ZNF385D: variants seen among roughly 807,000 people sequenced by gnomAD.
ZNF385D encodes the protein zinc finger protein 385D, also known as zinc finger protein 659.
A neutral mutation model predicts 35.8 loss-of-function variants in ZNF385D; 15 were observed. The ratio of observed to expected loss-of-function variants is 0.42; its 90% CI spans 0.28 to 0.64. The LOEUF (loss-of-function observed/expected upper bound fraction) is 0.64, where lower values mean the gene tolerates loss of function less well. Among genes scored for constraint, ZNF385D ranks in the 30% least tolerant of loss-of-function variants. The pLI, the probability that ZNF385D is intolerant of heterozygous loss-of-function variation, is 0.23. For missense variants in ZNF385D, 474 were observed against 494.6 expected, an observed-to-expected ratio of 0.96 and a Z score of 0.39; for synonymous variants, 212 against 186.8, an observed-to-expected ratio of 1.13 and a Z score of -1.10.
chr3:21,888,709 G>A (rs1173431975), intron 3 of ZNF385D, among the ~76,000 whole-genome samples: 1 of 152,146 alleles, frequency 6.6e-6, no homozygotes, highest in Non-Finnish European at 1.5e-5. Flanking sequence ...ATATAAATGA[G>A]TAACAGGATG....
chr3:21,766,061 C>T (rs2070817978), intron 3 of ZNF385D, among the ~76,000 whole-genome samples: 1 of 151,700 alleles, frequency 6.6e-6, no homozygotes, highest in Non-Finnish European at 1.5e-5. Context: ...AAGATAGTGG[C>T]CGAAAGGAAA....
intron 1 of ZNF385D, among the ~76,000 whole-genome samples, chr3:21,750,648 C>T (rs1386744433): frequency 2.0e-5 from 3 of 151,668 alleles, no homozygotes; most frequent in Non-Finnish European, 4.4e-5. Flanking sequence ...AAGTTTACCC[C>T]CCCGCCCCCT....
intron 3 of ZNF385D, among the ~76,000 whole-genome samples, chr3:21,943,647 G>A (rs547727461): frequency 2.6e-5 from 4 of 152,070 alleles, no homozygotes; most frequent in Admixed American, 2.6e-4. Context: ...ATGAATAAAT[G>A]CATTTATATG....
rs115418524 is a variant in ZNF385D at position 22,141,006 on chromosome 3, A to G, written c.325+27811T>C. 5.5e-3 allele frequency among the ~76,000 whole-genome samples: 838 copies of G among 152,340 alleles called. 5 individuals carry two copies. The highest frequency in any genetic ancestry group is 0.018 in the African/African-American group (736 of 41,574). On this transcript the variant is annotated intron_variant, in intron 3 of 5. Transcript: ENST00000494108. ...GAACTTAAACACAAATTGTATATCAATATCACCAGGATTCATGTCCTGAGC... is the reference window on the plus strand; with the variant it reads ...GAACTTAAACACAAATTGTATATCAGTATCACCAGGATTCATGTCCTGAGC...
At chr3:21,504,016 G>C (rs1438687498) in intron 4 of ZNF385D, among the ~76,000 whole-genome samples, 1 of 152,148 alleles carries the variant, frequency 6.6e-6, no homozygotes, top group Non-Finnish European at 1.5e-5. Context: ...AGTCATGAGT[G>C]AAAAGTGCAA....
chr3:21,753,167 A>G (rs2070182261), upstream of ZNF385D, among the ~76,000 whole-genome samples: 1 of 152,210 alleles, frequency 6.6e-6, no homozygotes, highest in African/African-American at 2.4e-5. Context: ...AGATATAGAA[A>G]GGTGGATATT....
rs200382540 is a variant in ZNF385D at position 22,172,417 on chromosome 3, G to GA, written c.107-3383dup. Among the ~76,000 whole-genome samples the GA allele has an allele frequency of 7.1e-3, 1,078 of 152,240 alleles. 15 individuals are homozygous for GA. The highest frequency in any genetic ancestry group is 0.024 in the African/African-American group (1,010 of 41,550). ...AAAAAATGTATGTGAGTTAATTTGAGAAAAAATAAAAGTAGAAACAATATT... is the reference window on the plus strand; with the variant it reads ...AAAAAATGTATGTGAGTTAATTTGAGAAAAAAATAAAAGTAGAAACAATATT... On this transcript the variant is annotated intron_variant, in intron 2 of 5. Coordinates refer to the ZNF385D transcript ENST00000494108.
chr3:22,145,033 T>TGC (rs1553616611), intron 3 of ZNF385D, among the ~76,000 whole-genome samples: 1 of 151,944 alleles, frequency 6.6e-6, no homozygotes, highest in Non-Finnish European at 1.5e-5. Context: ...TGTGTGTGTG[T>TGC]GTGTGTAGTC....
intron 3 of ZNF385D, among the ~76,000 whole-genome samples, chr3:21,887,241 TTTAGTC>T (rs1454155647): frequency 6.6e-6 from 1 of 152,212 alleles, no homozygotes; most frequent in Non-Finnish European, 1.5e-5. Context: ...GGCTTGTGGA[TTTAGTC>T]TTAAATAGTT....
chr3:22,296,454 A>C (rs1702583150), intron 2 of ZNF385D, among the ~76,000 whole-genome samples: 1 of 152,140 alleles, frequency 6.6e-6, no homozygotes, highest in African/African-American at 2.4e-5. Context: ...GCAGTTCTTC[A>C]AGGAAGGGTA....
intron 2 of ZNF385D, among the ~76,000 whole-genome samples, chr3:22,179,291 G>A (rs887161026): frequency 2.0e-5 from 3 of 152,110 alleles, no homozygotes; most frequent in African/African-American, 7.2e-5. Context: ...TCCTTGAAGA[G>A]GTCCTTCACA....
intron 2 of ZNF385D, among the ~76,000 whole-genome samples, chr3:21,631,450 G>A (rs2065278503): frequency 6.6e-6 from 1 of 152,004 alleles, no homozygotes; most frequent in South Asian, 2.1e-4. Context: ...GATGTATTTG[G>A]AACCAATCAA....
intron 3 of ZNF385D, among the ~76,000 whole-genome samples, chr3:21,889,746 A>C (rs1420138985): frequency 6.6e-6 from 1 of 152,148 alleles, no homozygotes; most frequent in Non-Finnish European, 1.5e-5. Flanking sequence ...ATGACAAAGT[A>C]CCATAAACTG....
chr3:21,698,986 G>C (rs1392479650), intron 1 of ZNF385D, among the ~76,000 whole-genome samples: 5 of 152,082 alleles, frequency 3.3e-5, no homozygotes, highest in African/African-American at 1.2e-4. Context: ...TCTCATTACT[G>C]GGTTTATACC....
intron 1 of ZNF385D, among the ~76,000 whole-genome samples, chr3:21,731,063 A>G (rs913260829): frequency 2.6e-5 from 4 of 152,226 alleles, no homozygotes; most frequent in African/African-American, 7.2e-5. Context: ...TAGGGCAAAG[A>G]GTACATGCTG....
chr3:21,991,899 A>C lies in ZNF385D; in HGVS notation c.325+176918T>G, dbSNP rs115457408. 9.8e-3 allele frequency among the ~76,000 whole-genome samples: 1,495 copies of C among 152,326 alleles called. 21 individuals carry two copies. Among genetic ancestry groups the C allele is most frequent in the African/African-American group, 0.034 (1,410 of 41,568 alleles). ...CATGCCTGCATGGATTTTACACTCC[A>C]ATCTTTTTAAAAGACAGTATTTTGA... On this transcript the variant is annotated intron_variant, in intron 3 of 5. Coordinates refer to the ZNF385D transcript ENST00000494108.
chr3:22,320,890 C>T (rs1027595416), intron 2 of ZNF385D, among the ~76,000 whole-genome samples: 2 of 151,554 alleles, frequency 1.3e-5, no homozygotes, highest in African/African-American at 4.8e-5. Context: ...AAATTTTGTA[C>T]ATTTTAAATA....
intron 2 of ZNF385D, among the ~76,000 whole-genome samples, chr3:22,230,168 T>C (rs1236327042): frequency 6.6e-6 from 1 of 152,150 alleles, no homozygotes; most frequent in Non-Finnish European, 1.5e-5. Flanking sequence ...AAATTTGGCT[T>C]AAAGAAAAAG....
chr3:21,685,254 G>T (rs745585858), intron 1 of ZNF385D, among the ~76,000 whole-genome samples: 2 of 152,166 alleles, frequency 1.3e-5, no homozygotes, highest in Non-Finnish European at 2.9e-5. Flanking sequence ...TGCAAGAGGA[G>T]TGTCTCTGAA....
Sources: allele counts gnomAD v4.1 joint callset (sites outside exome capture counted in the v4.1 genomes callset), GRCh38; gene constraint gnomAD v4.1.1; transcripts MANE v1.5; gene names NCBI Gene and HGNC (gene_info 2026-07-23, HGNC 2026-07-21).